The following MACROD2 variants were observed in gnomAD, a reference collection of about 807,000 sequenced individuals.
MACROD2 encodes mono-ADP ribosylhydrolase 2.
Under a neutral mutation model 70.4 loss-of-function variants are expected in MACROD2, and 36 were observed. The observed-to-expected ratio is 0.51, with a 90% CI of 0.39 to 0.68. MACROD2 has a LOEUF of 0.68. MACROD2 is among the 30% of genes least tolerant of loss of function. The probability of loss-of-function intolerance (pLI) is 0.00; values close to 1 mark genes in which losing one functional copy is unlikely to be tolerated. For synonymous variants in MACROD2, 172 were observed against 178.8 expected (o/e 0.96, Z 0.30); for missense variants, 496 against 538.4 (o/e 0.92, Z 0.78).
At chr20:15,571,360 AT>A (rs2048373978) in intron 8 of MACROD2, among the ~76,000 whole-genome samples, 2 of 151,710 alleles carry the variant, frequency 1.3e-5, no homozygotes, top group Non-Finnish European at 2.9e-5. Flanking sequence ...TCTTTGGTTT[AT>A]TTTACAGATG....
At chr20:15,584,667 C>T (rs56874132) in intron 8 of MACROD2, among the ~76,000 whole-genome samples, 4,847 of 152,270 alleles carry the variant, frequency 0.032, 255 homozygotes, top group African/African-American at 0.11. Context: ...CTTCATGTTC[C>T]CTTCCTTGCG....
intron 6 of MACROD2, among the ~76,000 whole-genome samples, chr20:15,251,890 G>A (rs972226589): frequency 4.6e-5 from 7 of 152,126 alleles, no homozygotes; most frequent in African/African-American, 1.4e-4. Flanking sequence ...AAGTTGATAA[G>A]CCCCATGTAT....
chr20:15,754,509 C>T lies in MACROD2; in HGVS notation c.646-108236C>T, dbSNP rs552033886. Among the ~76,000 whole-genome samples the T allele has an allele frequency of 3.9e-5, 6 of 151,994 alleles. No individual in the cohort carries two copies. In the South Asian group the frequency reaches 1.2e-3, roughly 32 times the overall value. ...GTGGTGACCCATGCTACTCGGGAGGCTGAGGTAGGAGAATCATCTGAGCCT... is the reference window on the plus strand; with the variant it reads ...GTGGTGACCCATGCTACTCGGGAGGTTGAGGTAGGAGAATCATCTGAGCCT... On this transcript the variant is annotated intron_variant, in intron 8 of 17. Transcript: ENST00000684519.
intron 5 of MACROD2, among the ~76,000 whole-genome samples, chr20:15,189,907 C>G (rs1173140759): frequency 6.6e-6 from 1 of 151,896 alleles, no homozygotes; most frequent in Non-Finnish European, 1.5e-5. Flanking sequence ...ATAAATTGCT[C>G]TCTTTTGAAG....
chr20:15,112,705 C>T (rs1191833915), intron 5 of MACROD2, among the ~76,000 whole-genome samples: 1 of 152,158 alleles, frequency 6.6e-6, no homozygotes, highest in African/African-American at 2.4e-5. Flanking sequence ...CAAGTACATT[C>T]ACACGGTAGT....
intron 2 of MACROD2, among the ~76,000 whole-genome samples, chr20:14,044,436 G>A (rs1217903349): frequency 1.3e-5 from 2 of 152,182 alleles, no homozygotes; most frequent in Non-Finnish European, 2.9e-5. Context: ...GGTTGCCACT[G>A]CTGGCGTGGC....
chr20:15,553,805 A>G (rs1568887806), intron 8 of MACROD2, among the ~76,000 whole-genome samples: 2 of 152,234 alleles, frequency 1.3e-5, no homozygotes, highest in Non-Finnish European at 2.9e-5. Flanking sequence ...AAGAATTGCA[A>G]AAAAAGATCA....
chr20:15,655,237 A>C (rs901933216), intron 8 of MACROD2, among the ~76,000 whole-genome samples: 1 of 152,160 alleles, frequency 6.6e-6, no homozygotes, highest in Admixed American at 6.6e-5. Flanking sequence ...TAATTGTAGA[A>C]AATTACCTTG....
At chr20:13,997,425 T>C (rs2052678422) in intron 1 of MACROD2, among the ~76,000 whole-genome samples, 1 of 152,174 alleles carries the variant, frequency 6.6e-6, no homozygotes, top group Admixed American at 6.5e-5. Flanking sequence ...TTGATGATAA[T>C]GAGGGCAAAA....
chr20:14,038,741 T>C (rs2053351413), intron 2 of MACROD2, among the ~76,000 whole-genome samples: 1 of 152,210 alleles, frequency 6.6e-6, no homozygotes, highest in South Asian at 2.1e-4. Context: ...TTGTATATAA[T>C]AACTTTGCTA....
intron 3 of MACROD2, among the ~76,000 whole-genome samples, chr20:14,122,991 T>C (rs964384099): frequency 6.6e-6 from 1 of 152,136 alleles, no homozygotes; most frequent in African/African-American, 2.4e-5. Flanking sequence ...ACTAGTGTTT[T>C]TTGATGAGGT....
At chr20:14,026,605 C>T (rs941552577) in intron 2 of MACROD2, among the ~76,000 whole-genome samples, 2 of 152,128 alleles carry the variant, frequency 1.3e-5, no homozygotes, top group African/African-American at 2.4e-5. Context: ...ACTTATGAAG[C>T]TTAGTTTGGC....
chr20:14,958,305 T>G (rs1308101696), intron 5 of MACROD2, among the ~76,000 whole-genome samples: 1 of 152,142 alleles, frequency 6.6e-6, no homozygotes, highest in Non-Finnish European at 1.5e-5. Context: ...CTTTTAAGAG[T>G]GGGAGCTTCT....
At chr20:14,283,961 A>T (rs6079380) in intron 3 of MACROD2, among the ~76,000 whole-genome samples, 100,078 of 152,136 alleles carry the variant, frequency 0.66, 33,800 homozygotes, top group Non-Finnish European at 0.74. Flanking sequence ...CTTACATGTT[A>T]TTAAGCATTT....
At chr20:15,400,301 AC>A (rs1317910760) in intron 6 of MACROD2, among the ~76,000 whole-genome samples, 1 of 151,874 alleles carries the variant, frequency 6.6e-6, no homozygotes, top group Non-Finnish European at 1.5e-5. Context: ...AAAATGCTGA[AC>A]CCCAGGACAC....
intron 5 of MACROD2, among the ~76,000 whole-genome samples, chr20:15,224,464 C>A (rs926335640): frequency 1.3e-5 from 2 of 152,204 alleles, no homozygotes; most frequent in African/African-American, 4.8e-5. Flanking sequence ...GTGATGCTGT[C>A]ATTATCTCCC....
At position 14,981,432 on chromosome 20, in the gene MACROD2, G is replaced by GTATATATATA. The variant is rs747438726; in HGVS notation, c.419-248496_419-248487dup. ...TACGTGTGTGTGTATATATGTATAT[G>GTATATATATA]TATATATATATATATATATATGTGT... On this transcript the variant is annotated intron_variant, in intron 5 of 17. Coordinates refer to ENST00000684519, the MANE Select transcript of MACROD2 (RefSeq NM_001351661.2). 1.4e-3 allele frequency among the ~76,000 whole-genome samples: 191 copies of GTATATATATA among 141,452 alleles called. 2 individuals are homozygous for GTATATATATA. The highest frequency in any genetic ancestry group is 4.8e-3 in the African/African-American group (183 of 38,096). 92.8% of individuals were successfully genotyped at this position (141,452 alleles called of 152,430 possible).
intron 4 of MACROD2, among the ~76,000 whole-genome samples, chr20:14,638,643 GGTT>G (rs1334281262): frequency 6.6e-6 from 1 of 152,058 alleles, no homozygotes; most frequent in African/African-American, 2.4e-5. Context: ...TACTCCATGA[GGTT>G]GTTGTAAGAA....
At chr20:14,307,168 T>C (rs2082528153) in intron 3 of MACROD2, among the ~76,000 whole-genome samples, 1 of 152,140 alleles carries the variant, frequency 6.6e-6, no homozygotes, top group Admixed American at 6.6e-5. Flanking sequence ...TTCAGCATAA[T>C]CTGAGAATGA....
Sources: gnomAD v4.1 joint callset for allele counts (sites outside exome capture counted in the v4.1 genomes callset) on GRCh38, gnomAD v4.1.1 for gene constraint, MANE v1.5 for transcripts, NCBI Gene and HGNC (gene_info 2026-07-23, HGNC 2026-07-21) for gene names.